Variants in TRAPPC3L observed in about 807,000 individuals in gnomAD.
TRAPPC3L encodes the protein trafficking protein particle complex subunit 3L, also known as trafficking protein particle complex subunit 3-like protein.
Under a neutral mutation model 23.7 loss-of-function variants are expected in TRAPPC3L, and 23 were observed. That is an observed-to-expected ratio of 0.97 (90% CI 0.70 to 1.37). The LOEUF is 1.37. TRAPPC3L is among the 40% of genes most tolerant of loss of function. TRAPPC3L has a pLI of 0.00. For synonymous variants in TRAPPC3L, 81 were observed against 77.9 expected (o/e 1.04, Z -0.21); for missense variants, 212 against 216.8 (o/e 0.98, Z 0.14).
intron 3 of TRAPPC3L, among the ~76,000 whole-genome samples, chr6:116,509,270 C>T (rs1055784612): frequency 6.6e-6 from 1 of 151,944 alleles, no homozygotes; most frequent in African/African-American, 2.4e-5. Flanking sequence ...CCATACTTCC[C>T]AAAGCAATCT....
intron 3 of TRAPPC3L, among the ~76,000 whole-genome samples, chr6:116,515,232 C>T (rs1391926131): frequency 1.3e-5 from 2 of 152,134 alleles, no homozygotes; most frequent in East Asian, 3.9e-4. Context: ...GTCATTTACT[C>T]AAATGACCAC....
chr6:116,526,687 T>C (rs1429836706), intron 3 of TRAPPC3L, among the ~76,000 whole-genome samples: 2 of 152,174 alleles, frequency 1.3e-5, no homozygotes, highest in African/African-American at 4.8e-5. Context: ...AGGGATGGCC[T>C]GGGATTTGGT....
chr6:116,544,737 T>A (rs1773670278), intron 1 of TRAPPC3L, among the ~76,000 whole-genome samples: 1 of 152,062 alleles, frequency 6.6e-6, no homozygotes, highest in African/African-American at 2.4e-5. Context: ...AGAGGAGGTA[T>A]CTGCAGGCAT....
intron 3 of TRAPPC3L, among the ~76,000 whole-genome samples, chr6:116,507,756 G>C (rs770346625): frequency 6.6e-6 from 1 of 152,160 alleles, no homozygotes; most frequent in Non-Finnish European, 1.5e-5. Flanking sequence ...AGGAACAAGT[G>C]GTAGTGGTGG....
chr6:116,512,216 T>TC, intron 3 of TRAPPC3L: 3 of 1,602,044 alleles, frequency 1.9e-6, no homozygotes, highest in Non-Finnish European at 1.7e-6. Flanking sequence ...ACTGAAACTC[T>TC]CCCTTCAGGC....
intron 3 of TRAPPC3L, among the ~76,000 whole-genome samples, chr6:116,527,528 A>C (rs1772480071): frequency 6.6e-6 from 1 of 151,856 alleles, no homozygotes. Flanking sequence ...ACAAAAAAAA[A>C]AAAAAAAAAA....
At chr6:116,502,427 T>G (rs1202247297) in intron 3 of TRAPPC3L, among the ~76,000 whole-genome samples, 1 of 152,132 alleles carries the variant, frequency 6.6e-6, no homozygotes, top group African/African-American at 2.4e-5. Context: ...ACGGGGAGAA[T>G]GGAACCAAGT....
intron 2 of TRAPPC3L, among the ~76,000 whole-genome samples, chr6:116,541,633 T>C (rs1773469775): frequency 6.6e-6 from 1 of 152,130 alleles, no homozygotes; most frequent in Non-Finnish European, 1.5e-5. Context: ...TGGAGAAAAA[T>C]GGTTTATAAT....
intron 3 of TRAPPC3L, among the ~76,000 whole-genome samples, chr6:116,538,872 C>T (rs935357258): frequency 6.6e-6 from 1 of 151,984 alleles, no homozygotes; most frequent in Admixed American, 6.6e-5. Flanking sequence ...GTTGGGACTA[C>T]AGCTGTGCCA....
At chr6:116,507,108 A>C (rs898797054) in intron 3 of TRAPPC3L, among the ~76,000 whole-genome samples, 6 of 54,266 alleles carry the variant, frequency 1.1e-4, no homozygotes, top group Non-Finnish European at 2.4e-4. Flanking sequence ...TTTGTAAAAA[A>C]TTAAATCATT....
chr6:116,509,289 A>T (rs918122636), intron 3 of TRAPPC3L, among the ~76,000 whole-genome samples: 1 of 152,180 alleles, frequency 6.6e-6, no homozygotes. Flanking sequence ...CTACAGATTC[A>T]GTGCAATTCC....
intron 3 of TRAPPC3L, among the ~76,000 whole-genome samples, chr6:116,536,807 T>A (rs1773124501): frequency 6.6e-6 from 1 of 152,190 alleles, no homozygotes; most frequent in South Asian, 2.1e-4. Context: ...GGGAGCAGCA[T>A]GTGACTACAG....
rs1201967795 is a variant in TRAPPC3L, at chr6:116,495,838, T to G, written c.*1116A>C. 1 of 147,740 alleles carries G rather than the reference T, an allele frequency of 6.8e-6. No individual in the cohort carries two copies. The highest frequency in any genetic ancestry group is 2.5e-5 in the African/African-American group (1 of 39,590). The allele number at this position is 147,740 out of a possible 1,614,324, so 9.2% of individuals were successfully genotyped here. ...ATGTCTTCTTTTGAGAAATGTCTAT[T>G]CAGATCTTTTGCCCATCTTTAATTG... On this transcript the variant is annotated 3_prime_UTR_variant, in exon 5 of 5. Transcript: ENST00000368602.
intron 3 of TRAPPC3L, among the ~76,000 whole-genome samples, chr6:116,531,193 C>T (rs1772698633): frequency 6.6e-6 from 1 of 151,886 alleles, no homozygotes; most frequent in Admixed American, 6.6e-5. Context: ...CTCTACTTAA[C>T]ACAGGGCTAG....
At chr6:116,506,117 C>T (rs922070145) in intron 3 of TRAPPC3L, among the ~76,000 whole-genome samples, 21 of 152,064 alleles carry the variant, frequency 1.4e-4, no homozygotes, top group African/African-American at 5.1e-4. Flanking sequence ...TGCAATCTAC[C>T]CATCTGGCAA....
chr6:116,497,226 C>CA, intron 4 of TRAPPC3L, 153 bp from the exon 5 acceptor site: 1 of 905,352 alleles, frequency 1.1e-6, no homozygotes. Flanking sequence ...TGAGTGTCCT[C>CA]CGGAGATGGT....
At chr6:116,534,492 T>G (rs77027510) in intron 3 of TRAPPC3L, among the ~76,000 whole-genome samples, 6,099 of 152,306 alleles carry the variant, frequency 0.04, 324 homozygotes, top group African/African-American at 0.13. Flanking sequence ...TTTGCTGAAA[T>G]TTTTCTGTGT....
At chr6:116,542,201 A>AGAC (rs1315308807) in intron 2 of TRAPPC3L, among the ~76,000 whole-genome samples, 3 of 152,304 alleles carry the variant, frequency 2.0e-5, no homozygotes, top group African/African-American at 7.2e-5. Context: ...AGCTATAGAC[A>AGAC]GACAGTTCAG....
intron 3 of TRAPPC3L, among the ~76,000 whole-genome samples, chr6:116,525,404 G>C (rs1426225030): frequency 6.6e-6 from 1 of 152,142 alleles, no homozygotes; most frequent in African/African-American, 2.4e-5. Flanking sequence ...TATCAATGAA[G>C]TAAACTTTCC....
Sources: allele counts gnomAD v4.1 joint callset (sites outside exome capture counted in the v4.1 genomes callset), GRCh38; gene constraint gnomAD v4.1.1; transcripts MANE v1.5; gene names NCBI Gene and HGNC (gene_info 2026-07-23, HGNC 2026-07-21).